LYPLAL1: variants seen among roughly 807,000 people sequenced by gnomAD.
LYPLAL1 encodes the protein lysophospholipase-like protein 1.
In LYPLAL1, 23 loss-of-function variants were observed where a neutral mutation model predicts 19.7. That is an observed-to-expected ratio of 1.17 (90% CI 0.84 to 1.65). The LOEUF (loss-of-function observed/expected upper bound fraction) is 1.65. Among genes scored for constraint, LYPLAL1 ranks in the 40% most tolerant of loss-of-function variants. The pLI is 0.00. For synonymous variants in LYPLAL1, 119 were observed against 96.3 expected (o/e 1.24, Z -1.38); for missense variants, 355 against 279.4 (o/e 1.27, Z -1.93).
chr1:219,425,228 A>G, the LYPLAL1 span, among the ~76,000 whole-genome samples: 1 of 151,948 alleles, frequency 6.6e-6, no homozygotes, highest in Non-Finnish European at 1.5e-5. Context: ...TGACTTAATC[A>G]CCTCTCAAGG....
chr1:219,296,803 T>C, the LYPLAL1 span, among the ~76,000 whole-genome samples: 1 of 152,242 alleles, frequency 6.6e-6, no homozygotes, highest in African/African-American at 2.4e-5. Context: ...TGAGCTTTTC[T>C]GGCCAACCAT....
At chr1:219,279,710 T>C in the LYPLAL1 span, among the ~76,000 whole-genome samples, 1 of 152,216 alleles carries the variant, frequency 6.6e-6, no homozygotes, top group Non-Finnish European at 1.5e-5. Flanking sequence ...TTTTATAGGA[T>C]GTTTGTTTAA....
the LYPLAL1 span, among the ~76,000 whole-genome samples, chr1:219,428,145 A>G: frequency 6.6e-6 from 1 of 152,242 alleles, no homozygotes; most frequent in African/African-American, 2.4e-5. Flanking sequence ...CATGATGGCA[A>G]CAATGCTGGA....
chr1:219,261,148 A>G, the LYPLAL1 span, among the ~76,000 whole-genome samples: 4 of 152,314 alleles, frequency 2.6e-5, no homozygotes, highest in Non-Finnish European at 5.9e-5. Flanking sequence ...AAAATAAGCT[A>G]TCATTAAACC....
chr1:219,196,482 G>A (rs1455917867), intron 3 of LYPLAL1, among the ~76,000 whole-genome samples: 4 of 151,934 alleles, frequency 2.6e-5, no homozygotes, highest in African/African-American at 4.8e-5. Context: ...GGCTGCATAA[G>A]TGTATTCTTT....
chr1:219,416,581 A>T, the LYPLAL1 span, among the ~76,000 whole-genome samples: 1 of 152,166 alleles, frequency 6.6e-6, no homozygotes, highest in Non-Finnish European at 1.5e-5. Flanking sequence ...ATTTATACTC[A>T]TGTGAACCCA....
the LYPLAL1 span, among the ~76,000 whole-genome samples, chr1:219,391,316 C>T: frequency 6.6e-6 from 1 of 152,164 alleles, no homozygotes; most frequent in Non-Finnish European, 1.5e-5. Context: ...CACAGGCATG[C>T]AGATTGTCAA....
chr1:219,196,903 C>T (rs1657650130), intron 3 of LYPLAL1, among the ~76,000 whole-genome samples: 1 of 152,002 alleles, frequency 6.6e-6, no homozygotes. Context: ...TGCACAATTG[C>T]TACAAAGAGA....
chr1:219,349,368 T>C, the LYPLAL1 span, among the ~76,000 whole-genome samples: 2 of 152,218 alleles, frequency 1.3e-5, no homozygotes, highest in Non-Finnish European at 2.9e-5. Flanking sequence ...TTCACAAAAC[T>C]TTGATATATG....
the LYPLAL1 span, among the ~76,000 whole-genome samples, chr1:219,251,309 A>G: frequency 6.6e-6 from 1 of 151,570 alleles, no homozygotes. Context: ...CCATTTGTCA[A>G]TTTTTGTTTT....
downstream of LYPLAL1, among the ~76,000 whole-genome samples, chr1:219,217,441 A>G (rs1215768561): frequency 7.5e-6 from 1 of 132,878 alleles, no homozygotes; most frequent in African/African-American, 2.7e-5. Context: ...TCACGGACTG[A>G]GTTATGTGTG....
chr1:219,358,648 T>G, the LYPLAL1 span, among the ~76,000 whole-genome samples: 8 of 152,048 alleles, frequency 5.3e-5, no homozygotes, highest in Non-Finnish European at 1.2e-4. Flanking sequence ...TCAGATCTCA[T>G]GAGAACTCAT....
chr1:219,372,822 T>C, the LYPLAL1 span, among the ~76,000 whole-genome samples: 1 of 152,200 alleles, frequency 6.6e-6, no homozygotes, highest in Admixed American at 6.5e-5. Context: ...GAGGATCACC[T>C]GAGCCTGGGA....
the LYPLAL1 span, among the ~76,000 whole-genome samples, chr1:219,311,295 A>C: frequency 6.6e-6 from 1 of 152,224 alleles, no homozygotes; most frequent in African/African-American, 2.4e-5. Context: ...CACCTGAAAA[A>C]TGGTGAAGTG....
chr1:219,187,286 G>A (rs776261128), intron 2 of LYPLAL1, among the ~76,000 whole-genome samples: 2 of 151,584 alleles, frequency 1.3e-5, no homozygotes, highest in Non-Finnish European at 3.0e-5. Flanking sequence ...TGATTATAAG[G>A]TATCCCTTTT....
the LYPLAL1 span, among the ~76,000 whole-genome samples, chr1:219,268,122 C>A: frequency 1.3e-5 from 2 of 152,124 alleles, no homozygotes; most frequent in Non-Finnish European, 2.9e-5. Flanking sequence ...TTCCTGCCCT[C>A]GTGGAGCTTA....
At chr1:219,442,413 C>G in the LYPLAL1 span, among the ~76,000 whole-genome samples, 1 of 152,332 alleles carries the variant, frequency 6.6e-6, no homozygotes, top group Admixed American at 6.5e-5. Flanking sequence ...CATTTGGAAA[C>G]ACACATCTGC....
chr1:219,319,281 C>G, the LYPLAL1 span, among the ~76,000 whole-genome samples: 1 of 152,050 alleles, frequency 6.6e-6, no homozygotes, highest in Non-Finnish European at 1.5e-5. Flanking sequence ...GGAAAGACCT[C>G]CCATAGCTGA....
intron 3 of LYPLAL1, among the ~76,000 whole-genome samples, chr1:219,207,613 T>C (rs1572210829): frequency 6.6e-6 from 1 of 152,092 alleles, no homozygotes. Context: ...CCAGGCACTG[T>C]TGTAAGCATA....
Sources: allele counts gnomAD v4.1 joint callset (sites outside exome capture counted in the v4.1 genomes callset), GRCh38; gene constraint gnomAD v4.1.1; transcripts MANE v1.5; gene names NCBI Gene and HGNC (gene_info 2026-07-23, HGNC 2026-07-21).